The following PIEZO2 variants were observed in gnomAD, a reference collection of about 807,000 sequenced individuals.
The protein encoded by PIEZO2 is piezo type mechanosensitive ion channel component 2, also known as piezo-type mechanosensitive ion channel component 2.
Under a neutral mutation model 337.3 loss-of-function variants are expected in PIEZO2, and 172 were observed. That is an observed-to-expected ratio of 0.51 (90% CI 0.45 to 0.58). The LOEUF (loss-of-function observed/expected upper bound fraction) is 0.58. PIEZO2 is among the 20% of genes least tolerant of loss of function. The pLI is 0.00. For synonymous variants in PIEZO2, 1,251 were observed against 1,228.5 expected (o/e 1.02, Z -0.38); for missense variants, 3,028 against 3,391.3 (o/e 0.89, Z 2.66).
At chr18:10,817,714 G>A (rs1353705017) in intron 7 of PIEZO2, among the ~76,000 whole-genome samples, 1 of 152,076 alleles carries the variant, frequency 6.6e-6, no homozygotes, top group Non-Finnish European at 1.5e-5. Flanking sequence ...ACGAGGTCAG[G>A]AGATAGAGAC....
intron 1 of PIEZO2, among the ~76,000 whole-genome samples, chr18:11,135,134 T>A (rs953422382): frequency 6.6e-6 from 1 of 152,154 alleles, no homozygotes; most frequent in African/African-American, 2.4e-5. Flanking sequence ...ATTTAGAGAC[T>A]TTCACAATAA....
intron 31 of PIEZO2, 70 bp from the exon 32 acceptor site, chr18:10,742,685 C>T: frequency 6.7e-7 from 1 of 1,490,478 alleles, no homozygotes; most frequent in East Asian, 2.5e-5. Context: ...GTACTTTGGA[C>T]TTATGCTGTT....
In PIEZO2 at chr18:11,102,773, G is replaced by C. The variant is rs2039457174; in HGVS notation, c.65-36551C>G. Among the ~76,000 whole-genome samples, 1 of 152,138 alleles carries C rather than the reference G, an allele frequency of 6.6e-6. No individual in the cohort carries two copies. The highest frequency in any genetic ancestry group is 2.1e-4 in the South Asian group (1 of 4,824). On this transcript the variant is annotated intron_variant, in intron 1 of 55. Coordinates refer to ENST00000674853, the MANE Select transcript of PIEZO2 (RefSeq NM_001378183.1). This position sits in a 1 kb window ranked among gnomAD's most constrained non-coding sequence, Gnocchi z 5.7. ...CTGCAGCCTCAATGTTGGGGTTCCTGGCCTTCTGGACAGTCTGCTTGGACA... is the reference window on the plus strand; with the variant it reads ...CTGCAGCCTCAATGTTGGGGTTCCTCGCCTTCTGGACAGTCTGCTTGGACA...
intron 1 of PIEZO2, among the ~76,000 whole-genome samples, chr18:11,067,278 C>T (rs1279933175): frequency 6.6e-6 from 1 of 152,134 alleles, no homozygotes; most frequent in East Asian, 1.9e-4. Flanking sequence ...TGCACTTGTA[C>T]ACCCTAAATA....
chr18:10,761,409 T>C (rs1257863324), intron 23 of PIEZO2, among the ~76,000 whole-genome samples: 1 of 152,168 alleles, frequency 6.6e-6, no homozygotes, highest in Non-Finnish European at 1.5e-5. Flanking sequence ...TTTCCAGTTA[T>C]CCAAGGAGGG....
intron 47 of PIEZO2, among the ~76,000 whole-genome samples, chr18:10,692,982 GAAATTCACA>G (rs2034917279): frequency 2.0e-5 from 3 of 152,110 alleles, no homozygotes; most frequent in Non-Finnish European, 4.4e-5. Flanking sequence ...AAATTCATGA[GAAATTCACA>G]AGTATTTTGA....
intron 2 of PIEZO2, among the ~76,000 whole-genome samples, chr18:11,030,649 G>A (rs1011274258): frequency 6.6e-6 from 1 of 152,132 alleles, no homozygotes; most frequent in African/African-American, 2.4e-5. Context: ...AGAAACGCTG[G>A]TCCCTCGAGA....
In PIEZO2 at chr18:10,729,799, A is replaced by G. The variant is rs559665305; in HGVS notation, c.5029+1608T>C. On this transcript the variant is annotated intron_variant, in intron 36 of 55. Transcript: ENST00000674853. ...TATGCACCCATTAAAAATGCAAAAT[A>G]CTGTCTTGAGGTACTACTCTGACTT... Among the ~76,000 whole-genome samples the G allele has an allele frequency of 3.1e-4, 47 of 152,170 alleles. No individual in the cohort carries two copies. The Middle Eastern group carries it at 0.01, about 33-fold the overall frequency.
Position 11,080,635 on chromosome 18 carries a change from G to C in PIEZO2, c.65-14413C>G, listed in dbSNP as rs926697853. Among the ~76,000 whole-genome samples the C allele has an allele frequency of 1.3e-5, 2 of 152,208 alleles. No individual in the cohort carries two copies. Among genetic ancestry groups the C allele is most frequent in the African/African-American group, 4.8e-5 (2 of 41,454 alleles). On this transcript the variant is annotated intron_variant, in intron 1 of 55. Transcript: ENST00000674853. This position sits in a 1 kb window ranked among gnomAD's most constrained non-coding sequence, Gnocchi z 5.4. ...CCGAGGCGGGCAGATCATGAGGTCA[G>C]GAGATCAAGACTATCCTGGCCAACA...
chr18:10,862,176 C>T lies in PIEZO2; in HGVS notation c.493-4965G>A, dbSNP rs1325960152. ...CACAATGTATACATGTATCAAAATA[C>T]CACATTATATACCCCATAAATATAT... is the stretch of plus-strand genomic sequence containing the variant. On this transcript the variant is annotated intron_variant, in intron 5 of 55. Coordinates refer to ENST00000674853, the MANE Select transcript of PIEZO2 (RefSeq NM_001378183.1). The surrounding 1 kb of genome is among the most constrained non-coding windows in gnomAD (Gnocchi z 4.4). Among the ~76,000 whole-genome samples the T allele has an allele frequency of 6.6e-6, 1 of 151,906 alleles. No individual in the cohort carries two copies. Among genetic ancestry groups the T allele is most frequent in the Non-Finnish European group, 1.5e-5 (1 of 67,982 alleles).
In PIEZO2 at chr18:10,682,071, G is replaced by A; in HGVS notation, c.7686+33C>T. ...CATAAAGGAATGTGGCGTGGGGCAA[G>A]GCTCTGGTAGGTGGGGTGTGCACAG... is the stretch of plus-strand genomic sequence containing the variant. On this transcript the variant is annotated intron_variant, in intron 50 of 55. Transcript: ENST00000674853. The surrounding 1 kb of genome is among the most constrained non-coding windows in gnomAD (Gnocchi z 5.6). 1 of 1,511,526 alleles carries A rather than the reference G, an allele frequency of 6.6e-7. No individual in the cohort carries two copies. Among genetic ancestry groups the A allele is most frequent in the Non-Finnish European group, 8.8e-7 (1 of 1,130,992 alleles). The allele number at this position is 1,511,526 out of a possible 1,614,324, so 93.6% of individuals were successfully genotyped here. A position where few individuals can be genotyped will look rare whatever the true frequency, so the allele number is the denominator to read the frequency against.
chr18:10,901,588 G>A (rs2043050690), intron 4 of PIEZO2, among the ~76,000 whole-genome samples: 2 of 152,236 alleles, frequency 1.3e-5, no homozygotes, highest in Middle Eastern at 3.4e-3. Context: ...TTTGAGCTGG[G>A]TGGTCACATG....
At chr18:10,948,394 C>T (rs533077237) in intron 3 of PIEZO2, among the ~76,000 whole-genome samples, 3 of 152,146 alleles carry the variant, frequency 2.0e-5, no homozygotes, top group South Asian at 4.2e-4. Context: ...CAAAAAAATT[C>T]GTGTGATGCA....
chr18:10,677,191 C>A lies in PIEZO2; in HGVS notation c.8081+556G>T, dbSNP rs1270894224. Among the ~76,000 whole-genome samples the A allele has an allele frequency of 6.6e-6, 1 of 152,180 alleles. No homozygotes were observed. Among genetic ancestry groups the A allele is most frequent in the Non-Finnish European group, 1.5e-5 (1 of 68,028 alleles). On this transcript the variant is annotated intron_variant, in intron 53 of 55. Coordinates refer to ENST00000674853, the MANE Select transcript of PIEZO2 (RefSeq NM_001378183.1). The surrounding 1 kb of genome is among the most constrained non-coding windows in gnomAD (Gnocchi z 4.1). ...GAGCTCCCTGTAGCCTGGCACCATA[C>A]AAACCCTCATTCATTTGTTTTTTAT... is the stretch of plus-strand genomic sequence containing the variant.
chr18:10,747,021 G>A (rs2037451233), intron 30 of PIEZO2, among the ~76,000 whole-genome samples: 1 of 152,200 alleles, frequency 6.6e-6, no homozygotes, highest in African/African-American at 2.4e-5. Context: ...CTTTGTAACA[G>A]AGTTGGCAGT....
chr18:10,801,482 C>A, intron 9 of PIEZO2, 54 bp from the exon 10 acceptor site: 1 of 1,427,926 alleles, frequency 7.0e-7, no homozygotes, highest in Non-Finnish European at 9.5e-7. Context: ...AAGCATTTTA[C>A]TGTTTATGTA....
chr18:11,120,532 G>A (rs1332312029), intron 1 of PIEZO2, among the ~76,000 whole-genome samples: 1 of 152,174 alleles, frequency 6.6e-6, no homozygotes, highest in Non-Finnish European at 1.5e-5. Context: ...AGACAGGAAA[G>A]AGAGGGTTTC....
At chr18:11,074,330 C>T (rs1298622074) in intron 1 of PIEZO2, among the ~76,000 whole-genome samples, 1 of 152,106 alleles carries the variant, frequency 6.6e-6, no homozygotes, top group Non-Finnish European at 1.5e-5. Context: ...ACAATGTTAC[C>T]GTTGACAGAA....
At chr18:10,890,912 T>A (rs1177080279) in intron 4 of PIEZO2, among the ~76,000 whole-genome samples, 1 of 152,266 alleles carries the variant, frequency 6.6e-6, no homozygotes, top group South Asian at 2.1e-4. Flanking sequence ...ACCAGTACTT[T>A]ATTTTTTCTG....
Sources: allele counts gnomAD v4.1 joint callset (sites outside exome capture counted in the v4.1 genomes callset), GRCh38; gene constraint gnomAD v4.1.1; non-coding constraint Gnocchi (gnomAD v3.1); transcripts MANE v1.5; gene names NCBI Gene and HGNC (gene_info 2026-07-23, HGNC 2026-07-21).